TRIM5: variants seen among roughly 807,000 people sequenced by gnomAD.
TRIM5 encodes tripartite motif-containing protein 5.
TRIM5 carries 31 observed loss-of-function variants against 35.6 expected under a neutral mutation model. The ratio of observed to expected loss-of-function variants is 0.87; its 90% CI spans 0.65 to 1.18. TRIM5 has a LOEUF of 1.18. TRIM5 is among the 50% of genes most tolerant of loss of function. TRIM5 has a pLI of 0.00. For synonymous variants in TRIM5, 243 were observed against 215.6 expected (o/e 1.13, Z -1.11); for missense variants, 609 against 591.6 (o/e 1.03, Z -0.31).
the TRIM5 span, chr11:5,604,911 C>T: frequency 1.1e-5 from 5 of 444,940 alleles, no homozygotes; most frequent in African/African-American, 4.0e-5. Context: ...GTTTCAGTCT[C>T]TTTGGCTTTT....
At chr11:5,605,497 C>G in the TRIM5 span, 1 of 1,614,158 alleles carries the variant, frequency 6.2e-7, no homozygotes. Context: ...GTCCACCAGA[C>G]CCAGTCGCTG....
chr11:5,634,530 C>CACACACACACACAGATAT, the TRIM5 span: 1 of 203,886 alleles, frequency 4.9e-6, no homozygotes, highest in Admixed American at 7.4e-5. Flanking sequence ...CACACACACA[C>CACACACACACACAGATAT]ATATATATAT....
chr11:5,679,423 C>T (rs1055376108), intron 2 of TRIM5, among the ~76,000 whole-genome samples: 1 of 152,116 alleles, frequency 6.6e-6, no homozygotes. Context: ...AAAACTAATC[C>T]TGCAGCAAGG....
In TRIM5 at chr11:5,664,567, G is replaced by C. The variant is rs1316695578; in HGVS notation, c.*242C>G. ...TAGCGGTCTCATTTTATGAGGTATA[G>C]GTCAGTTTTCCTTAGGAGTACGGAA... On this transcript the variant is annotated 3_prime_UTR_variant, in exon 8 of 8. Coordinates refer to ENST00000380034, the MANE Select transcript of TRIM5 (RefSeq NM_033034.3). 2 of 1,245,150 alleles carry C rather than the reference G, an allele frequency of 1.6e-6. No homozygotes were observed. The highest frequency in any genetic ancestry group is 6.8e-5 in the East Asian group (2 of 29,472). 77.1% of individuals were successfully genotyped at this position (1,245,150 alleles called of 1,614,324 possible). A position where few individuals can be genotyped will look rare whatever the true frequency, so the allele number is the denominator to read the frequency against.
the TRIM5 span, chr11:5,634,716 T>G: frequency 6.2e-7 from 1 of 1,614,056 alleles, no homozygotes; most frequent in Non-Finnish European, 8.5e-7. Context: ...CAGAGAGAGC[T>G]GCAAAGATTG....
At chr11:5,655,570 C>T in the TRIM5 span, 1 of 852,920 alleles carries the variant, frequency 1.2e-6, no homozygotes, top group Non-Finnish European at 1.4e-6. Context: ...CAGTAAGAAA[C>T]ATTCATTTCT....
At chr11:5,636,829 G>C in the TRIM5 span, among the ~76,000 whole-genome samples, 2 of 152,108 alleles carry the variant, frequency 1.3e-5, no homozygotes, top group African/African-American at 4.8e-5. Flanking sequence ...AGGGACTTTG[G>C]CTATTCCTCT....
chr11:5,639,126 A>G, the TRIM5 span, among the ~76,000 whole-genome samples: 1 of 152,144 alleles, frequency 6.6e-6, no homozygotes, highest in African/African-American at 2.4e-5. Flanking sequence ...ACTTTAAGGT[A>G]TGAGAAAACC....
the TRIM5 span, among the ~76,000 whole-genome samples, chr11:5,593,684 T>A: frequency 8.3e-4 from 126 of 152,320 alleles, 1 homozygote; most frequent in East Asian, 0.022. Flanking sequence ...TAAACAATAT[T>A]CCTGGTATAT....
the TRIM5 span, chr11:5,643,404 T>G: frequency 6.2e-7 from 1 of 1,614,150 alleles, no homozygotes; most frequent in Non-Finnish European, 8.5e-7. Context: ...TCAAAATCTT[T>G]ACACCAAATA....
In TRIM5 at chr11:5,680,015, A is replaced by G; in HGVS notation, c.163T>C (p.Cys55Arg). 1.2e-6 allele frequency: 2 copies of G among 1,614,156 alleles called. No individual in the cohort carries two copies. The highest frequency in any genetic ancestry group is 1.7e-6 in the Non-Finnish European group (2 of 1,180,028). Reference protein sequence around the residue: ...KSMLDKGESSCPVCRISYQPE... With the variant: ...KSMLDKGESSRPVCRISYQPE... ...TGGTAACTGATCCGGCACACAGGGC[A>G]GCTACTCTCTCCTTTGTCTAGCATG... is the stretch of plus-strand genomic sequence containing the variant. The change falls in exon 2 of 8, where the codon TGC becomes CGC. Residue 55 changes from cysteine (C) to arginine (R), a missense_variant. Cys to Arg is a radical substitution (Grantham distance 180). Coordinates refer to ENST00000380034, the MANE Select transcript of TRIM5 (RefSeq NM_033034.3).
chr11:5,616,520 A>G, the TRIM5 span, among the ~76,000 whole-genome samples: 3 of 145,154 alleles, frequency 2.1e-5, no homozygotes, highest in South Asian at 6.8e-4. Flanking sequence ...CATTTGCTGT[A>G]TAACTGCTTT....
chr11:5,658,918 C>T (rs903988254), downstream of TRIM5, among the ~76,000 whole-genome samples: 2 of 152,166 alleles, frequency 1.3e-5, no homozygotes, highest in South Asian at 2.1e-4. Context: ...AACCAAACAC[C>T]GCATGTTCTC....
At chr11:5,633,742 G>C in the TRIM5 span, 4 of 1,489,748 alleles carry the variant, frequency 2.7e-6, no homozygotes, top group Non-Finnish European at 3.6e-6. Context: ...TTCCCTGTTT[G>C]TCCTCTATCC....
chr11:5,651,389 C>A, the TRIM5 span, among the ~76,000 whole-genome samples: 7 of 152,152 alleles, frequency 4.6e-5, no homozygotes, highest in Non-Finnish European at 1.0e-4. Flanking sequence ...TCAATTCTTA[C>A]CCTCCTCTAA....
chr11:5,593,117 G>A, the TRIM5 span, among the ~76,000 whole-genome samples: 29,321 of 151,854 alleles, frequency 0.19, 2,941 homozygotes, highest in Middle Eastern at 0.31. Flanking sequence ...TGGAACAAGA[G>A]GTGTTTCTCC....
intron 5 of TRIM5, 22 bp from the exon 6 acceptor site, chr11:5,666,103 A>C (rs369490051): frequency 2.1e-5 from 33 of 1,578,814 alleles, no homozygotes; most frequent in East Asian, 8.9e-5. Flanking sequence ...AAAAAAAAAA[A>C]AAAACTTCCA....
the TRIM5 span, among the ~76,000 whole-genome samples, chr11:5,629,149 C>T: frequency 2.0e-5 from 3 of 152,120 alleles, no homozygotes; most frequent in East Asian, 1.9e-4. Flanking sequence ...TGGTGGCATA[C>T]ACCTGTAATC....
the TRIM5 span, among the ~76,000 whole-genome samples, chr11:5,649,269 C>G: frequency 6.6e-6 from 1 of 152,160 alleles, no homozygotes; most frequent in Non-Finnish European, 1.5e-5. Context: ...CCCCTTCTTC[C>G]ACTAACCATT....
Sources: allele counts gnomAD v4.1 joint callset (sites outside exome capture counted in the v4.1 genomes callset), GRCh38; gene constraint gnomAD v4.1.1; transcripts MANE v1.5; gene names NCBI Gene and HGNC (gene_info 2026-07-23, HGNC 2026-07-21).